Variants in POLA1 observed in about 807,000 individuals in gnomAD.
POLA1 encodes DNA polymerase alpha catalytic subunit.
A neutral mutation model predicts 124.0 loss-of-function variants in POLA1; 15 were observed. The observed-to-expected ratio is 0.12, with a 90% CI of 0.08 to 0.19. POLA1 has a LOEUF of 0.19. POLA1 is among the 10% of genes least tolerant of loss of function. POLA1 has a pLI of 1.00. For synonymous variants in POLA1, 408 were observed against 389.4 expected, an observed-to-expected ratio of 1.05 and a Z score of -0.56; for missense variants, 886 against 1,103.4, an observed-to-expected ratio of 0.80 and a Z score of 2.79.
intron 20 of POLA1, among the ~76,000 whole-genome samples, chrX:24,740,342 A>G (rs958033220): frequency 4.5e-5 from 5 of 111,574 alleles, no homozygotes; most frequent in Non-Finnish European, 7.5e-5. Flanking sequence ...AAATAGATCT[A>G]AGTCTGACCA....
At chrX:24,815,297 G>A (rs996808401) in intron 30 of POLA1, among the ~76,000 whole-genome samples, 186 bp downstream of exon 30, 1 of 111,292 alleles carries the variant, frequency 9.0e-6, no homozygotes, top group African/African-American at 3.3e-5. Context: ...TGCCATGTCT[G>A]CCACAGAGAC....
At chrX:24,701,974 G>T (rs1179706696) in intron 2 of POLA1, among the ~76,000 whole-genome samples, 1 of 105,658 alleles carries the variant, frequency 9.5e-6, no homozygotes, top group Non-Finnish European at 1.9e-5. Context: ...GGCTGGTCTT[G>T]AACTCCTCAC....
intron 36 of POLA1, among the ~76,000 whole-genome samples, chrX:24,981,259 A>G (rs1441868741): frequency 1.8e-5 from 2 of 112,517 alleles, no homozygotes; most frequent in Non-Finnish European, 3.8e-5. Flanking sequence ...ATGGGCCAGA[A>G]GCCCAAGTCA....
chrX:24,729,435 C>T (rs1930753503), intron 15 of POLA1, among the ~76,000 whole-genome samples: 1 of 111,435 alleles, frequency 9.0e-6, no homozygotes, highest in Non-Finnish European at 1.9e-5. Context: ...TCATTTTTGC[C>T]GGAATTAGTT....
At chrX:24,709,236 C>T (rs1212018851) in intron 4 of POLA1, among the ~76,000 whole-genome samples, 48 of 69,085 alleles carry the variant, frequency 6.9e-4, no homozygotes, top group East Asian at 1.5e-3. Context: ...GCTGGCCGGG[C>T]GGGGGGCTGA....
intron 26 of POLA1, among the ~76,000 whole-genome samples, chrX:24,762,997 C>T (rs1367485797): frequency 9.0e-6 from 1 of 111,402 alleles, no homozygotes; most frequent in Non-Finnish European, 1.9e-5. Flanking sequence ...CTCAGCCTCC[C>T]GAAGTGCTGG....
At chrX:24,920,700 T>C (rs2047604352) in intron 35 of POLA1, among the ~76,000 whole-genome samples, 1 of 111,607 alleles carries the variant, frequency 9.0e-6, no homozygotes, top group South Asian at 3.8e-4. Flanking sequence ...ATATGTAAAA[T>C]GAGGATAATC....
At chrX:24,925,137 T>C (rs1249936809) in intron 35 of POLA1, among the ~76,000 whole-genome samples, 1 of 112,436 alleles carries the variant, frequency 8.9e-6, no homozygotes, top group Non-Finnish European at 1.9e-5. Flanking sequence ...ACCTTCATTA[T>C]ATTTTACAGT....
At chrX:24,752,354 G>A (rs1932363092) in intron 26 of POLA1, among the ~76,000 whole-genome samples, 1 of 112,244 alleles carries the variant, frequency 8.9e-6, no homozygotes, top group Admixed American at 9.4e-5. Context: ...GAGCTAATGG[G>A]TAAGGAATTG....
intron 26 of POLA1, among the ~76,000 whole-genome samples, chrX:24,772,770 T>C (rs1475371583): frequency 9.0e-6 from 1 of 111,463 alleles, no homozygotes; most frequent in Non-Finnish European, 1.9e-5. Context: ...TGGAAGAGAG[T>C]GTGGTGCTTC....
intron 26 of POLA1, among the ~76,000 whole-genome samples, chrX:24,768,431 T>C (rs1932960813): frequency 8.9e-6 from 1 of 112,034 alleles, no homozygotes; most frequent in Non-Finnish European, 1.9e-5. Context: ...AAACTTGGCA[T>C]GGTTCTGGAA....
intron 26 of POLA1, among the ~76,000 whole-genome samples, chrX:24,797,516 C>A (rs1236818952): frequency 9.0e-6 from 1 of 111,040 alleles, no homozygotes; most frequent in African/African-American, 3.3e-5. Context: ...GTGTATTTTC[C>A]AATTGCCTAT....
chrX:24,951,218 C>T (rs1217486219), intron 36 of POLA1, among the ~76,000 whole-genome samples: 3 of 87,709 alleles, frequency 3.4e-5, no homozygotes, highest in Non-Finnish European at 6.5e-5. Context: ...CTGTCCCCTT[C>T]CTCACTACCT....
At chrX:24,804,880 A>G (rs1308916223) in intron 26 of POLA1, among the ~76,000 whole-genome samples, 1 of 112,149 alleles carries the variant, frequency 8.9e-6, no homozygotes, top group African/African-American at 3.2e-5. Flanking sequence ...AGAACCTACA[A>G]ATACACATCT....
rs753128052 is a variant in POLA1 at position 24,930,555 on chromosome X, T to A, written c.4261+6T>A. The A allele has an allele frequency of 9.4e-7, 1 of 1,062,201 alleles. No homozygotes were observed. Among genetic ancestry groups the A allele is most frequent in the Non-Finnish European group, 1.3e-6 (1 of 758,960 alleles). 87.5% of individuals were successfully genotyped at this position (1,062,201 alleles called of 1,213,427 possible). A position where few individuals can be genotyped will look rare whatever the true frequency, so the allele number is the denominator to read the frequency against. On this transcript the variant is annotated splice_donor_region_variant and intron_variant, in intron 36 of 36. Transcript: ENST00000379068. ...TACTACCGATCATGAGAAAGGTACGTTAAAATACTGTAATTACCTTTGAGT... is the reference window on the plus strand; with the variant it reads ...TACTACCGATCATGAGAAAGGTACGATAAAATACTGTAATTACCTTTGAGT...
chrX:24,815,157 T>G, intron 30 of POLA1, 46 bp downstream of exon 30: 1 of 1,106,759 alleles, frequency 9.0e-7, no homozygotes, highest in Non-Finnish European at 1.2e-6. Flanking sequence ...TCATGTGTTT[T>G]TCACCTCCTT....
intron 36 of POLA1, among the ~76,000 whole-genome samples, chrX:24,957,331 A>G (rs2048117304): frequency 8.9e-6 from 1 of 111,862 alleles, no homozygotes; most frequent in African/African-American, 3.3e-5. Context: ...TTGTTAACCA[A>G]AACTGGGGAA....
intron 36 of POLA1, among the ~76,000 whole-genome samples, chrX:24,944,270 C>G (rs964006730): frequency 9.0e-5 from 10 of 111,540 alleles, no homozygotes; most frequent in African/African-American, 2.9e-4. Context: ...TCTGTAGATG[C>G]AAATTGCTTT....
At chrX:24,706,405 C>G (rs756462423) in intron 4 of POLA1, among the ~76,000 whole-genome samples, 1 of 111,463 alleles carries the variant, frequency 9.0e-6, no homozygotes, top group Non-Finnish European at 1.9e-5. Context: ...AATCCTGGTT[C>G]CTTTTAGTGG....
Sources: allele counts gnomAD v4.1 joint callset (sites outside exome capture counted in the v4.1 genomes callset), GRCh38; gene constraint gnomAD v4.1.1; transcripts MANE v1.5; gene names NCBI Gene and HGNC (gene_info 2026-07-23, HGNC 2026-07-21).